Variants in LRRC18 observed in about 807,000 individuals in gnomAD.
The protein encoded by LRRC18 is leucine rich repeat containing 18.
A neutral mutation model predicts 11.2 loss-of-function variants in LRRC18; 12 were observed. That is an observed-to-expected ratio of 1.07 (90% CI 0.69 to 1.74). The LOEUF (loss-of-function observed/expected upper bound fraction) is 1.74. Ranked by LOEUF, LRRC18 falls within the 40% of genes most tolerant of loss-of-function variation. LRRC18 has a pLI of 0.00. For missense variants in LRRC18, 374 were observed against 330.5 expected, an observed-to-expected ratio of 1.13 and a Z score of -1.02; for synonymous variants, 155 against 130.6, an observed-to-expected ratio of 1.19 and a Z score of -1.27.
upstream of LRRC18, among the ~76,000 whole-genome samples, chr10:48,916,767 T>A (rs536319536): frequency 3.3e-5 from 5 of 152,308 alleles, no homozygotes; most frequent in Non-Finnish European, 5.9e-5. Flanking sequence ...AGAGGTGATT[T>A]CTTCATTGTG....
chr10:48,913,324 A>T, intron 1 of LRRC18, 68 bp downstream of exon 3: 1 of 1,471,470 alleles, frequency 6.8e-7, no homozygotes, highest in Non-Finnish European at 9.2e-7. Context: ...TTTCCTGTGG[A>T]GGTAGCCCAC....
chr10:48,939,426 CG>C, the LRRC18 span, among the ~76,000 whole-genome samples: 1 of 152,172 alleles, frequency 6.6e-6, no homozygotes, highest in Non-Finnish European at 1.5e-5. Context: ...CTGTCTTGCT[CG>C]GGGCCCCCCA....
exon 2 of LRRC18, chr10:48,909,517 T>C (rs1837816370): frequency 6.6e-6 from 1 of 152,196 alleles, no homozygotes; most frequent in Admixed American, 6.5e-5. Flanking sequence ...GAGTCATGGT[T>C]CTTACAAGCT....
exon 1 of LRRC18, chr10:48,913,866 C>T (rs1564478336): frequency 6.2e-7 from 1 of 1,614,098 alleles, no homozygotes; most frequent in Non-Finnish European, 8.5e-7. Flanking sequence ...GTAGAGCAGG[C>T]TGGTCATCTG....
the LRRC18 span, among the ~76,000 whole-genome samples, chr10:48,939,608 G>A: frequency 1.7e-4 from 26 of 152,154 alleles, no homozygotes; most frequent in African/African-American, 5.8e-4. Context: ...TGGATGATGC[G>A]GTTTATTAAC....
chr10:48,911,555 C>T (rs997022733), intron 1 of LRRC18, among the ~76,000 whole-genome samples: 1 of 152,024 alleles, frequency 6.6e-6, no homozygotes, highest in Admixed American at 6.5e-5. Flanking sequence ...TATGTATATC[C>T]ACAAGAATAA....
the LRRC18 span, among the ~76,000 whole-genome samples, chr10:48,928,168 G>A: frequency 6.6e-6 from 1 of 152,172 alleles, no homozygotes; most frequent in Non-Finnish European, 1.5e-5. Flanking sequence ...GGCTTGGCAG[G>A]GAAATGTGCC....
the LRRC18 span, among the ~76,000 whole-genome samples, chr10:48,938,180 A>G: frequency 2.6e-5 from 4 of 152,186 alleles, no homozygotes; most frequent in Non-Finnish European, 4.4e-5. Flanking sequence ...TGTCCTCAAA[A>G]CTGTTTTTGC....
At chr10:48,921,070 A>C in the LRRC18 span, among the ~76,000 whole-genome samples, 1 of 152,226 alleles carries the variant, frequency 6.6e-6, no homozygotes, top group Non-Finnish European at 1.5e-5. Flanking sequence ...CTCTCCCCAA[A>C]TTGGTCTAAT....
At chr10:48,913,808 C>A (rs755602650) in exon 1 of LRRC18, 1 of 1,614,094 alleles carries the variant, frequency 6.2e-7, no homozygotes, top group Admixed American at 1.7e-5. Flanking sequence ...GTTGCTTCAG[C>A]TCCACGGGCA....
chr10:48,915,299 C>T (rs573329928), upstream of LRRC18, among the ~76,000 whole-genome samples: 35 of 152,274 alleles, frequency 2.3e-4, no homozygotes, highest in East Asian at 7.7e-4. Flanking sequence ...CCTATCATAG[C>T]GAGACTGAGG....
chr10:48,914,108 C>T, exon 1 of LRRC18: 1 of 1,614,186 alleles, frequency 6.2e-7, no homozygotes, highest in Non-Finnish European at 8.5e-7. Flanking sequence ...TCCTGGCCAC[C>T]TTGAGGGTGA....
At chr10:48,933,910 G>T in the LRRC18 span, among the ~76,000 whole-genome samples, 1 of 152,136 alleles carries the variant, frequency 6.6e-6, no homozygotes, top group Non-Finnish European at 1.5e-5. Flanking sequence ...AACAGTGAGA[G>T]ACCATTGGAG....
At chr10:48,911,053 G>A (rs772263757) in intron 1 of LRRC18, 18 of 260,876 alleles carry the variant, frequency 6.9e-5, no homozygotes, top group Non-Finnish European at 1.1e-4. Context: ...ATATGTCTCT[G>A]CGTGGACTCT....
chr10:48,928,495 A>G, the LRRC18 span, among the ~76,000 whole-genome samples: 6 of 151,918 alleles, frequency 3.9e-5, no homozygotes, highest in Admixed American at 3.3e-4. Context: ...TAGAAACCCT[A>G]TTCAGACCCT....
chr10:48,934,298 T>A, the LRRC18 span, among the ~76,000 whole-genome samples: 1 of 152,122 alleles, frequency 6.6e-6, no homozygotes, highest in African/African-American at 2.4e-5. Flanking sequence ...TAAAATGAGG[T>A]TCCTCCCTCT....
chr10:48,915,312 C>T (rs1589874802), upstream of LRRC18, among the ~76,000 whole-genome samples: 1 of 152,236 alleles, frequency 6.6e-6, no homozygotes, highest in Middle Eastern at 3.4e-3. Flanking sequence ...GACTGAGGCT[C>T]AGAAGTGAGG....
chr10:48,913,435 TC>T lies in LRRC18; in HGVS notation c.720del (p.Ile241SerfsTer18), dbSNP rs1198471244. 1.2e-6 allele frequency: 2 copies of T among 1,613,102 alleles called. No individual in the cohort carries two copies. Among genetic ancestry groups the T allele is most frequent in the African/African-American group, 2.7e-5 (2 of 74,766 alleles). On this transcript the variant is annotated frameshift_variant, in exon 1 of 2. Transcript: ENST00000374160. LOFTEE classifies it high-confidence loss of function. ...TCCTTGGCCATGGAATTGGGTGAGA[TC>T]AGATTGGGAAAGATGGTCTTTCTCG...
intron 1 of LRRC18, chr10:48,910,902 TG>T (rs1837938008): frequency 1.0e-6 from 1 of 985,172 alleles, no homozygotes; most frequent in African/African-American, 1.7e-5. Flanking sequence ...GTAACCTCGA[TG>T]TTTCTCTTAA....
Sources: gnomAD v4.1 joint callset for allele counts (sites outside exome capture counted in the v4.1 genomes callset) on GRCh38, gnomAD v4.1.1 for gene constraint, MANE v1.5 for transcripts, NCBI Gene and HGNC (gene_info 2026-07-23, HGNC 2026-07-21) for gene names.